Variants in ADAMTS6 observed in about 807,000 individuals in gnomAD.
ADAMTS6 encodes the protein ADAM metallopeptidase with thrombospondin type 1 motif 6.
Under a neutral mutation model 144.3 loss-of-function variants are expected in ADAMTS6, and 23 were observed. The ratio of observed to expected loss-of-function variants is 0.16; its 90% CI spans 0.11 to 0.23. The LOEUF (loss-of-function observed/expected upper bound fraction) is 0.23, where lower values mean the gene tolerates loss of function less well. Ranked by LOEUF, ADAMTS6 falls within the 10% of genes least tolerant of loss-of-function variation. ADAMTS6 has a pLI of 1.00. For synonymous variants in ADAMTS6, 444 were observed against 457.5 expected (o/e 0.97, Z 0.38); for missense variants, 999 against 1,379.6 (o/e 0.72, Z 4.37).
intron 9 of ADAMTS6, among the ~76,000 whole-genome samples, chr5:65,312,306 C>T (rs1451939312): frequency 6.6e-6 from 1 of 151,888 alleles, no homozygotes. Flanking sequence ...AATAAAAGGA[C>T]ATTCTTAATT....
Position 65,187,042 on chromosome 5 carries a change from C to T in ADAMTS6, c.2910+974G>A, listed in dbSNP as rs115468420. ...TATTTTGACAAATGTATGAGGTCTACAGGAAATACCCAAAGCAAGTACCAC... is the reference window on the plus strand; with the variant it reads ...TATTTTGACAAATGTATGAGGTCTATAGGAAATACCCAAAGCAAGTACCAC... On this transcript the variant is annotated intron_variant, in intron 22 of 24. Coordinates refer to ENST00000381055, the MANE Select transcript of ADAMTS6 (RefSeq NM_197941.4). Among the ~76,000 whole-genome samples, 591 of 152,292 alleles carry T rather than the reference C, an allele frequency of 3.9e-3. 4 individuals carry two copies. Among genetic ancestry groups the T allele is most frequent in the Middle Eastern group, 3.4e-3 (1 of 294 alleles).
chr5:65,342,036 A>C (rs999845576), intron 7 of ADAMTS6, among the ~76,000 whole-genome samples: 1 of 152,230 alleles, frequency 6.6e-6, no homozygotes, highest in Admixed American at 6.5e-5. Context: ...ATAGTTCAAC[A>C]TATGCAAATC....
chr5:65,231,214 CAA>C (rs1310178156), intron 15 of ADAMTS6, among the ~76,000 whole-genome samples: 1 of 151,302 alleles, frequency 6.6e-6, no homozygotes, highest in Non-Finnish European at 1.5e-5. Context: ...AAACAGAAAC[CAA>C]AAGAGAGCTG....
chr5:65,170,502 C>T, intron 24 of ADAMTS6, 115 bp downstream of exon 24: 2 of 1,217,106 alleles, frequency 1.6e-6, no homozygotes, highest in Non-Finnish European at 2.2e-6. Context: ...GCAGCTTTCA[C>T]AAATGCTCTA....
At chr5:65,413,919 C>T (rs1434393661) in intron 7 of ADAMTS6, among the ~76,000 whole-genome samples, 2 of 152,036 alleles carry the variant, frequency 1.3e-5, no homozygotes, top group Non-Finnish European at 2.9e-5. Flanking sequence ...GGGTTCAGGA[C>T]ACATTGCTCC....
chr5:65,173,023 A>G lies in ADAMTS6; in HGVS notation c.2911-15T>C. 6.2e-7 allele frequency: 1 copy of G among 1,608,198 alleles called. No homozygotes were observed. The highest frequency in any genetic ancestry group is 2.2e-5 in the East Asian group (1 of 44,854). On this transcript the variant is annotated splice_polypyrimidine_tract_variant and intron_variant, in intron 22 of 24. Transcript: ENST00000381055. ...TTTGGAGTACACTGGAAATAAAACA[A>G]ATAGTAATGAATCACGACAGTTTAA...
chr5:65,249,238 C>T (rs542875089), intron 14 of ADAMTS6, among the ~76,000 whole-genome samples: 6 of 152,220 alleles, frequency 3.9e-5, no homozygotes, highest in Admixed American at 6.5e-5. Context: ...ACTGAATGCA[C>T]GTGCTGGGGA....
intron 9 of ADAMTS6, among the ~76,000 whole-genome samples, chr5:65,327,595 T>A (rs1746294669): frequency 6.6e-6 from 1 of 152,162 alleles, no homozygotes; most frequent in African/African-American, 2.4e-5. Flanking sequence ...AGAGGTATAT[T>A]CTATTTCTCT....
At chr5:65,381,328 G>T (rs1752018410) in intron 7 of ADAMTS6, among the ~76,000 whole-genome samples, 1 of 151,110 alleles carries the variant, frequency 6.6e-6, no homozygotes, top group Non-Finnish European at 1.5e-5. Context: ...AAGCTTCTAG[G>T]TAACCAAAGC....
At position 65,301,439 on chromosome 5, in the gene ADAMTS6, G is replaced by T. The variant is rs555821369; in HGVS notation, c.1224-1308C>A. Among the ~76,000 whole-genome samples, 16 of 152,304 alleles carry T rather than the reference G, an allele frequency of 1.1e-4. No individual in the cohort carries two copies. In the South Asian group the frequency reaches 3.3e-3, roughly 32 times the overall value. On this transcript the variant is annotated intron_variant, in intron 9 of 24. Coordinates refer to ENST00000381055, the MANE Select transcript of ADAMTS6 (RefSeq NM_197941.4). ...AGAAAAAGTCTGGAAAGGTAGTTGG[G>T]AATAGGTAAGTACAAGATAATTAAT...
chr5:65,389,766 G>A (rs775242391), intron 7 of ADAMTS6, among the ~76,000 whole-genome samples: 7 of 152,008 alleles, frequency 4.6e-5, no homozygotes, highest in Non-Finnish European at 8.8e-5. Flanking sequence ...GGTCTAATGG[G>A]CAAAATTTGA....
intron 4 of ADAMTS6, among the ~76,000 whole-genome samples, chr5:65,456,866 T>C (rs771739941): frequency 1.5e-4 from 23 of 152,176 alleles, no homozygotes; most frequent in Non-Finnish European, 2.6e-4. Context: ...TGTTTAAAAA[T>C]TCGTAGTTTG....
At chr5:65,265,751 A>C (rs1278153490) in intron 12 of ADAMTS6, among the ~76,000 whole-genome samples, 3 of 152,026 alleles carry the variant, frequency 2.0e-5, no homozygotes, top group Non-Finnish European at 4.4e-5. Context: ...GCTCAAAGGA[A>C]CTTCAGAATT....
chr5:65,257,216 C>A (rs1202348851), intron 14 of ADAMTS6, among the ~76,000 whole-genome samples: 1 of 151,854 alleles, frequency 6.6e-6, no homozygotes, highest in East Asian at 1.9e-4. Context: ...ACTTTAATAT[C>A]CATATGTTAA....
intron 9 of ADAMTS6, among the ~76,000 whole-genome samples, chr5:65,320,422 T>C (rs894856621): frequency 1.3e-5 from 2 of 152,076 alleles, no homozygotes; most frequent in African/African-American, 4.8e-5. Context: ...AAATTTTTAA[T>C]TAAAAATCTT....
chr5:65,252,398 C>T (rs143244369), intron 14 of ADAMTS6, among the ~76,000 whole-genome samples: 8,955 of 151,492 alleles, frequency 0.059, 895 homozygotes, highest in African/African-American at 0.21. Context: ...CCCGCAACCA[C>T]GCCCGGCTAA....
chr5:65,287,177 G>C (rs1240121058), intron 11 of ADAMTS6, among the ~76,000 whole-genome samples: 2 of 152,052 alleles, frequency 1.3e-5, no homozygotes, highest in Non-Finnish European at 2.9e-5. Context: ...TAAAAGAAAA[G>C]AAATTCACTT....
chr5:65,197,687 T>C (rs1755475619), intron 20 of ADAMTS6, among the ~76,000 whole-genome samples: 1 of 152,210 alleles, frequency 6.6e-6, no homozygotes, highest in South Asian at 2.1e-4. Context: ...TAAAAGCCCA[T>C]TCATTGTTTA....
At chr5:65,403,638 A>C (rs1182711120) in intron 7 of ADAMTS6, among the ~76,000 whole-genome samples, 1 of 152,172 alleles carries the variant, frequency 6.6e-6, no homozygotes, top group Non-Finnish European at 1.5e-5. Context: ...TTCCAAGTAC[A>C]TATTTAGAAT....
Sources: allele counts gnomAD v4.1 joint callset (sites outside exome capture counted in the v4.1 genomes callset), GRCh38; gene constraint gnomAD v4.1.1; transcripts MANE v1.5; gene names NCBI Gene and HGNC (gene_info 2026-07-23, HGNC 2026-07-21).